ASB7: variants seen among roughly 807,000 people sequenced by gnomAD.
ASB7 encodes the protein ankyrin repeat and SOCS box containing 7.
ASB7 carries 4 observed loss-of-function variants against 32.5 expected under a neutral mutation model. The ratio of observed to expected loss-of-function variants is 0.12; its 90% CI spans 0.06 to 0.28. ASB7 has a LOEUF of 0.28. ASB7 is among the 10% of genes least tolerant of loss of function. ASB7 has a pLI of 1.00. For synonymous variants in ASB7, 172 were observed against 155.6 expected (o/e 1.11, Z -0.78); for missense variants, 181 against 407.1 (o/e 0.44, Z 4.78).
intron 3 of ASB7, among the ~76,000 whole-genome samples, 168 bp downstream of exon 3, chr15:100,609,996 G>A (rs879442236): frequency 2.0e-5 from 3 of 152,150 alleles, no homozygotes; most frequent in African/African-American, 4.8e-5. Context: ...GGTAGGCCTC[G>A]TTTAAGTGCC....
intron 5 of ASB7, among the ~76,000 whole-genome samples, chr15:100,635,717 C>A (rs1050264176): frequency 1.3e-5 from 2 of 152,178 alleles, no homozygotes; most frequent in Admixed American, 1.3e-4. Context: ...TCTTCTGATT[C>A]ACTCTCAGTC....
intron 5 of ASB7, among the ~76,000 whole-genome samples, chr15:100,637,831 T>G (rs1281766769): frequency 6.6e-6 from 1 of 152,326 alleles, no homozygotes; most frequent in East Asian, 1.9e-4. Context: ...TTGTAACAGA[T>G]GAAATGCAGA....
chr15:100,607,285 C>G (rs1232683530), intron 2 of ASB7, among the ~76,000 whole-genome samples: 1 of 152,032 alleles, frequency 6.6e-6, no homozygotes, highest in Admixed American at 6.5e-5. Context: ...CTCTGGACTT[C>G]CTCTGTTGTT....
At chr15:100,613,606 G>A (rs1161974269) in intron 4 of ASB7, among the ~76,000 whole-genome samples, 1 of 152,188 alleles carries the variant, frequency 6.6e-6, no homozygotes, top group Non-Finnish European at 1.5e-5. Flanking sequence ...TGGAACGCCA[G>A]GAAAAAGATC....
chr15:100,643,999 G>A (rs1447659126), intron 5 of ASB7, among the ~76,000 whole-genome samples: 2 of 152,096 alleles, frequency 1.3e-5, no homozygotes, highest in Non-Finnish European at 2.9e-5. Flanking sequence ...CTTAATCCCA[G>A]CACTTTGGGA....
intron 5 of ASB7, among the ~76,000 whole-genome samples, chr15:100,637,855 C>T (rs1400772918): frequency 6.6e-6 from 1 of 152,150 alleles, no homozygotes; most frequent in Non-Finnish European, 1.5e-5. Context: ...AGATCTCTGA[C>T]TCCAGCTGCC....
chr15:100,639,541 G>A (rs2039947287), intron 5 of ASB7, among the ~76,000 whole-genome samples: 1 of 152,096 alleles, frequency 6.6e-6, no homozygotes, highest in Admixed American at 6.6e-5. Context: ...TCTAAAACAA[G>A]TGCCTTCCCC....
intron 5 of ASB7, among the ~76,000 whole-genome samples, chr15:100,639,140 T>C (rs1458776908): frequency 6.6e-6 from 1 of 152,176 alleles, no homozygotes; most frequent in Non-Finnish European, 1.5e-5. Flanking sequence ...ATTTGTATGT[T>C]TTAAGGAGTT....
intron 4 of ASB7, among the ~76,000 whole-genome samples, chr15:100,620,191 A>G (rs2039779246): frequency 6.6e-6 from 1 of 152,260 alleles, no homozygotes; most frequent in African/African-American, 2.4e-5. Flanking sequence ...ACCTACGCAT[A>G]TCTTCCTGTG....
intron 5 of ASB7, among the ~76,000 whole-genome samples, chr15:100,643,645 A>G (rs796241059): frequency 1.3e-5 from 2 of 151,102 alleles, no homozygotes; most frequent in Admixed American, 6.6e-5. Flanking sequence ...GCCCGCCACC[A>G]CGCCTGGCTA....
chr15:100,642,224 T>C (rs758975959), intron 5 of ASB7, among the ~76,000 whole-genome samples: 18 of 152,218 alleles, frequency 1.2e-4, no homozygotes, highest in Admixed American at 2.6e-4. Context: ...GATAAATAAC[T>C]TGTGAGGATG....
At chr15:100,636,674 G>A (rs576086350) in intron 5 of ASB7, among the ~76,000 whole-genome samples, 6 of 152,252 alleles carry the variant, frequency 3.9e-5, no homozygotes, top group Admixed American at 2.0e-4. Flanking sequence ...AAGTCCCTCC[G>A]TTTTAAAAAT....
At chr15:100,616,856 C>G (rs1358699343) in intron 4 of ASB7, among the ~76,000 whole-genome samples, 1 of 152,214 alleles carries the variant, frequency 6.6e-6, no homozygotes, top group Admixed American at 6.5e-5. Context: ...TAGTGTAGTC[C>G]TGGCTTATGA....
intron 5 of ASB7, among the ~76,000 whole-genome samples, chr15:100,630,859 CA>C (rs1228944645): frequency 6.6e-6 from 1 of 152,164 alleles, no homozygotes; most frequent in Admixed American, 6.5e-5. Context: ...AATCTGTAAA[CA>C]AAATGGATTT....
At chr15:100,639,888 G>A (rs1440074792) in intron 5 of ASB7, among the ~76,000 whole-genome samples, 16 of 152,020 alleles carry the variant, frequency 1.1e-4, no homozygotes, top group Non-Finnish European at 1.5e-5. Flanking sequence ...TTGACTTAGT[G>A]CAAATGGAAA....
At chr15:100,632,984 G>A (rs957637177) in intron 5 of ASB7, among the ~76,000 whole-genome samples, 1 of 151,770 alleles carries the variant, frequency 6.6e-6, no homozygotes, top group Admixed American at 6.6e-5. Flanking sequence ...CAGCCAGCCC[G>A]CTGTCCAGCA....
intron 5 of ASB7, among the ~76,000 whole-genome samples, chr15:100,632,884 C>T (rs962515226): frequency 2.0e-5 from 3 of 151,718 alleles, no homozygotes; most frequent in South Asian, 2.1e-4. Flanking sequence ...AGAGCGCACC[C>T]GTGGCTTGGT....
At position 100,650,633 on chromosome 15, in the gene ASB7, G is replaced by C. The variant is rs964385272; in HGVS notation, c.*2171G>C. Reference sequence around the variant, plus strand: ...CTGAGTTTGAGTCAGGGAATTCCACGTAAAAAGATCAGATTAAGGTAAATT... The same window carrying C: ...CTGAGTTTGAGTCAGGGAATTCCACCTAAAAAGATCAGATTAAGGTAAATT... On this transcript the variant is annotated 3_prime_UTR_variant, in exon 6 of 6. Coordinates refer to ENST00000332783, the MANE Select transcript of ASB7 (RefSeq NM_198243.3). The C allele has an allele frequency of 6.6e-6, 1 of 152,200 alleles. No individual in the cohort carries two copies. Among genetic ancestry groups the C allele is most frequent in the South Asian group, 2.1e-4 (1 of 4,824 alleles). 9.4% of individuals were successfully genotyped at this position (152,200 alleles called of 1,614,324 possible).
At chr15:100,640,797 T>C (rs1389685644) in intron 5 of ASB7, among the ~76,000 whole-genome samples, 1 of 152,214 alleles carries the variant, frequency 6.6e-6, no homozygotes, top group South Asian at 2.1e-4. Flanking sequence ...GATATTTAAT[T>C]TTCTAAATTA....
Sources: gnomAD v4.1 joint callset for allele counts (sites outside exome capture counted in the v4.1 genomes callset) on GRCh38, gnomAD v4.1.1 for gene constraint, MANE v1.5 for transcripts, NCBI Gene and HGNC (gene_info 2026-07-23, HGNC 2026-07-21) for gene names.